Variants in CYTH1 observed in about 807,000 individuals in gnomAD.
The protein encoded by CYTH1 is cytohesin-1.
CYTH1 carries 18 observed loss-of-function variants against 61.8 expected under a neutral mutation model. The ratio of observed to expected loss-of-function variants is 0.29; its 90% CI spans 0.20 to 0.43. CYTH1 has a LOEUF of 0.43. CYTH1 is among the 20% of genes least tolerant of loss of function. The probability of loss-of-function intolerance (pLI) is 1.00; values close to 1 mark genes in which losing one functional copy is unlikely to be tolerated. For synonymous variants in CYTH1, 174 were observed against 184.3 expected (o/e 0.94, Z 0.45); for missense variants, 336 against 510.5 (o/e 0.66, Z 3.29).
chr17:78,677,004 A>C, intron 13 of CYTH1: 1 of 456,066 alleles, frequency 2.2e-6, no homozygotes, highest in Non-Finnish European at 4.4e-6. Context: ...CCCCTGCTGA[A>C]CGGTGGCACC....
chr17:78,699,962 A>T (rs183199494), intron 7 of CYTH1, among the ~76,000 whole-genome samples: 4 of 152,180 alleles, frequency 2.6e-5, no homozygotes, highest in Admixed American at 6.5e-5. Flanking sequence ...GCTAATTTTT[A>T]AAAATTTTTT....
At chr17:78,760,929 G>C (rs577315217) in intron 1 of CYTH1, among the ~76,000 whole-genome samples, 6 of 151,916 alleles carry the variant, frequency 3.9e-5, no homozygotes, top group African/African-American at 1.5e-4. Context: ...CCCACCTCCC[G>C]GGTTCAAGTG....
chr17:78,681,154 G>C, intron 11 of CYTH1, 112 bp from the exon 12 acceptor site: 1 of 1,060,162 alleles, frequency 9.4e-7, no homozygotes, highest in African/African-American at 1.6e-5. Context: ...AGGACATGAA[G>C]TTCATAAATC....
At chr17:78,711,033 C>T (rs1397505766) in intron 1 of CYTH1, among the ~76,000 whole-genome samples, 1 of 151,890 alleles carries the variant, frequency 6.6e-6, no homozygotes, top group Admixed American at 6.6e-5. Context: ...GAGGCCGGGG[C>T]GGGCAGATCA....
intron 1 of CYTH1, among the ~76,000 whole-genome samples, chr17:78,758,192 TA>T (rs1366796150): frequency 6.6e-6 from 1 of 152,188 alleles, no homozygotes; most frequent in African/African-American, 2.4e-5. Context: ...TGGAAACTTC[TA>T]AATAACAAGA....
chr17:78,740,739 T>C (rs2144635978), intron 1 of CYTH1, among the ~76,000 whole-genome samples: 1 of 152,316 alleles, frequency 6.6e-6, no homozygotes, highest in East Asian at 1.9e-4. Context: ...ATTTTTGAGA[T>C]TGCAAATGGG....
chr17:78,719,219 T>G (rs1372210691), intron 1 of CYTH1, among the ~76,000 whole-genome samples: 1 of 152,204 alleles, frequency 6.6e-6, no homozygotes, highest in African/African-American at 2.4e-5. Flanking sequence ...CCTGGGCAAG[T>G]TACTTCGGCT....
At chr17:78,707,198 C>T (rs1400349238) in intron 3 of CYTH1, among the ~76,000 whole-genome samples, 1 of 152,170 alleles carries the variant, frequency 6.6e-6, no homozygotes, top group Non-Finnish European at 1.5e-5. Context: ...ACCCTGAAGG[C>T]ACTGCCCACA....
Position 78,760,405 on chromosome 17 carries a change from ATG to A in CYTH1, c.22+21795_22+21796del, listed in dbSNP as rs1173412567. Among the ~76,000 whole-genome samples the A allele has an allele frequency of 8.0e-3, 431 of 54,044 alleles. 66 individuals are homozygous for A. In the East Asian group the frequency reaches 0.15, roughly 19 times the overall value. The allele number at this position is 54,044 out of a possible 152,430, so 35.5% of individuals were successfully genotyped here. A position where few individuals can be genotyped will look rare whatever the true frequency, so the allele number is the denominator to read the frequency against. On this transcript the variant is annotated intron_variant, in intron 1 of 13. Transcript: ENST00000446868. ...TATATACACACACATACATATATAT[ATG>A]TGTATATATATATATATACACATAC...
chr17:78,732,861 G>A (rs1340820039), intron 1 of CYTH1, among the ~76,000 whole-genome samples: 1 of 152,078 alleles, frequency 6.6e-6, no homozygotes. Flanking sequence ...GGCCAAGACA[G>A]GTAGATCACG....
In CYTH1 at chr17:78,718,344, C is replaced by T. The variant is rs73389823; in HGVS notation, c.23-8612G>A. Among the ~76,000 whole-genome samples the T allele has an allele frequency of 2.8e-3, 432 of 152,166 alleles. 1 individual carries two copies. The highest frequency in any genetic ancestry group is 9.9e-3 in the African/African-American group (412 of 41,480). On this transcript the variant is annotated intron_variant, in intron 1 of 13. Coordinates refer to ENST00000446868, the MANE Select transcript of CYTH1 (RefSeq NM_004762.6). ...TGAAATAAAGCACCCAGCTTTTCTA[C>T]AGCCTCTACAGAAACTACCACCTGC...
At chr17:78,713,468 T>C (rs1316544981) in intron 1 of CYTH1, among the ~76,000 whole-genome samples, 6 of 152,240 alleles carry the variant, frequency 3.9e-5, no homozygotes. Context: ...AATGTATCTC[T>C]ACCCAGCAGA....
intron 1 of CYTH1, among the ~76,000 whole-genome samples, chr17:78,774,830 G>A (rs941903720): frequency 1.3e-5 from 2 of 152,268 alleles, no homozygotes; most frequent in African/African-American, 4.8e-5. Flanking sequence ...ATACATACAT[G>A]TGAAATGTTC....
At chr17:78,696,469 A>C (rs1489834571) in intron 9 of CYTH1, among the ~76,000 whole-genome samples, 1 of 152,280 alleles carries the variant, frequency 6.6e-6, no homozygotes, top group Non-Finnish European at 1.5e-5. Flanking sequence ...ATGTGTATAC[A>C]CAAGAATACA....
chr17:78,758,733 G>GAA (rs937654881), intron 1 of CYTH1, among the ~76,000 whole-genome samples: 1 of 151,706 alleles, frequency 6.6e-6, no homozygotes, highest in Non-Finnish European at 1.5e-5. Context: ...AAAAAAGAAA[G>GAA]AAAAAAAGAA....
intron 1 of CYTH1, among the ~76,000 whole-genome samples, chr17:78,725,834 A>G (rs2093263556): frequency 6.6e-6 from 1 of 152,222 alleles, no homozygotes; most frequent in African/African-American, 2.4e-5. Context: ...AAGTTACAAG[A>G]AAAGCTGCAA....
chr17:78,769,424 C>T (rs2093461808), intron 1 of CYTH1, among the ~76,000 whole-genome samples: 1 of 152,160 alleles, frequency 6.6e-6, no homozygotes, highest in African/African-American at 2.4e-5. Flanking sequence ...GCAATGTTCT[C>T]CTACTTGGCA....
intron 1 of CYTH1, among the ~76,000 whole-genome samples, chr17:78,747,868 T>G (rs1350399010): frequency 6.6e-6 from 1 of 152,232 alleles, no homozygotes; most frequent in East Asian, 1.9e-4. Flanking sequence ...AATTTTGTGT[T>G]GTATAGGATC....
chr17:78,683,380 G>A (rs1462745046), intron 11 of CYTH1, among the ~76,000 whole-genome samples: 1 of 152,192 alleles, frequency 6.6e-6, no homozygotes, highest in Admixed American at 6.5e-5. Flanking sequence ...TTTGAAGAGT[G>A]GAAGACTAAG....
Sources: gnomAD v4.1 joint callset for allele counts (sites outside exome capture counted in the v4.1 genomes callset) on GRCh38, gnomAD v4.1.1 for gene constraint, MANE v1.5 for transcripts, NCBI Gene and HGNC (gene_info 2026-07-23, HGNC 2026-07-21) for gene names.